Variants in LAMC1 observed in about 807,000 individuals in gnomAD.
LAMC1 encodes laminin subunit gamma-1.
A neutral mutation model predicts 173.6 loss-of-function variants in LAMC1; 38 were observed. The observed-to-expected ratio is 0.22, with a 90% CI of 0.17 to 0.29. The LOEUF is 0.29. Among genes scored for constraint, LAMC1 ranks in the 10% least tolerant of loss-of-function variants. LAMC1 has a pLI of 1.00. For missense variants in LAMC1, 1,824 were observed against 2,051.8 expected, an observed-to-expected ratio of 0.89 and a Z score of 2.14; for synonymous variants, 746 against 749.1, an observed-to-expected ratio of 1.00 and a Z score of 0.07.
At chr1:183,065,187 C>T (rs989495161) in intron 1 of LAMC1, among the ~76,000 whole-genome samples, 13 of 152,048 alleles carry the variant, frequency 8.5e-5, no homozygotes, top group Admixed American at 4.6e-4. Flanking sequence ...GGTAAAAATA[C>T]GGTACTATAA....
chr1:183,094,752 A>G lies in LAMC1; in HGVS notation c.419-8576A>G, dbSNP rs543357503. On this transcript the variant is annotated intron_variant, in intron 1 of 27. Transcript: ENST00000258341. ...ATTTCCTCTTTTAAGGACAGATGTA[A>G]ACAGTACATGATCAGGGGAATTAGG... 5.9e-5 allele frequency among the ~76,000 whole-genome samples: 9 copies of G among 152,324 alleles called. No homozygotes were observed. In the East Asian group the frequency reaches 1.7e-3, roughly 29 times the overall value.
At chr1:183,027,165 A>C (rs1003661043) in intron 1 of LAMC1, among the ~76,000 whole-genome samples, 1 of 152,200 alleles carries the variant, frequency 6.6e-6, no homozygotes, top group Non-Finnish European at 1.5e-5. Flanking sequence ...CGCTCTCTTA[A>C]GCACCATACA....
intron 16 of LAMC1, 100 bp downstream of exon 16, chr1:183,126,362 C>A: frequency 7.9e-7 from 1 of 1,267,370 alleles, no homozygotes; most frequent in Non-Finnish European, 1.1e-6. Context: ...AGCCACTTGA[C>A]TCATAGTCAG....
chr1:183,139,571 G>C lies in LAMC1; in HGVS notation c.4474-833G>C, dbSNP rs1002404388. On this transcript the variant is annotated intron_variant, in intron 26 of 27. Transcript: ENST00000258341. ...AAGGTTTTTTCTGCCTTGCTTTCTTGTTCTTTTTTAAATCTTCACATTGTT... is the reference window on the plus strand; with the variant it reads ...AAGGTTTTTTCTGCCTTGCTTTCTTCTTCTTTTTTAAATCTTCACATTGTT... Among the ~76,000 whole-genome samples the C allele has an allele frequency of 2.6e-5, 4 of 152,182 alleles. No homozygotes were observed. In the East Asian group the frequency reaches 7.7e-4, roughly 29 times the overall value.
chr1:183,093,347 A>G (rs1375048612), intron 1 of LAMC1, among the ~76,000 whole-genome samples: 1 of 152,096 alleles, frequency 6.6e-6, no homozygotes, highest in African/African-American at 2.4e-5. Context: ...GTATATGACA[A>G]AGTTCAGTTG....
intron 10 of LAMC1, 54 bp from the exon 11 acceptor site, chr1:183,117,980 C>A: frequency 1.9e-6 from 2 of 1,053,024 alleles, no homozygotes; most frequent in South Asian, 1.4e-5. Flanking sequence ...AATATTTCCC[C>A]AACATCCAGA....
Position 183,136,377 on chromosome 1 carries a change from T to G in LAMC1, c.4115-9T>G. On this transcript the variant is annotated splice_polypyrimidine_tract_variant and intron_variant, in intron 24 of 27. Coordinates refer to ENST00000258341, the MANE Select transcript of LAMC1 (RefSeq NM_002293.4). ...GTTTAGCTCAAATGTGTCCTTGAAC[T>G]TGTTTCAGATTTTGATAGGCGTGTG... 1 of 1,613,644 alleles carries G rather than the reference T, an allele frequency of 6.2e-7. No individual in the cohort carries two copies. The highest frequency in any genetic ancestry group is 2.2e-5 in the East Asian group (1 of 44,884).
rs112250010 is a variant in LAMC1 at position 183,142,861 on chromosome 1, C to G, written c.*71C>G. The G allele has an allele frequency of 2.8e-4, 417 of 1,481,134 alleles. 3 individuals are homozygous for G. In the African/African-American group the frequency reaches 5.1e-3, roughly 18 times the overall value. The allele number at this position is 1,481,134 out of a possible 1,614,324, so 91.7% of individuals were successfully genotyped here. ...TGTGAGGCCACAGAGTGCCTTGACA[C>G]AAAGATTACATTTTTCAGACCCCCA... On this transcript the variant is annotated 3_prime_UTR_variant, in exon 28 of 28. Transcript: ENST00000258341.
rs1174727303 is a variant in LAMC1 at position 183,143,765 on chromosome 1, A to C, written c.*975A>C. 2 of 152,200 alleles carry C rather than the reference A, an allele frequency of 1.3e-5. No homozygotes were observed. Among genetic ancestry groups the C allele is most frequent in the African/African-American group, 4.8e-5 (2 of 41,456 alleles). 9.4% of individuals were successfully genotyped at this position (152,200 alleles called of 1,614,324 possible). On this transcript the variant is annotated 3_prime_UTR_variant, in exon 28 of 28. Transcript: ENST00000258341. ...GAAGAAAAACAAGCCTCCTCGTCCT[A>C]GTCTTTTCTAGCAAAGGGATAAAAC...
rs543636133 is a variant in LAMC1 at position 183,108,024 on chromosome 1, G to T, written c.724-252G>T. On this transcript the variant is annotated intron_variant, in intron 2 of 27. Coordinates refer to ENST00000258341, the MANE Select transcript of LAMC1 (RefSeq NM_002293.4). Reference sequence around the variant, plus strand: ...TTTATTTAAGCCTCTCAGCAGCCTTGCAAAGAAATTAGTTATTATCCTTGT... The same window carrying T: ...TTTATTTAAGCCTCTCAGCAGCCTTTCAAAGAAATTAGTTATTATCCTTGT... Among the ~76,000 whole-genome samples, 90 of 152,196 alleles carry T rather than the reference G, an allele frequency of 5.9e-4. 1 individual carries two copies. The highest frequency in any genetic ancestry group is 2.4e-3 in the Admixed American group (36 of 15,290).
intron 1 of LAMC1, among the ~76,000 whole-genome samples, chr1:183,045,652 C>A (rs952093947): frequency 1.3e-5 from 2 of 152,020 alleles, no homozygotes; most frequent in Non-Finnish European, 2.9e-5. Context: ...TCACACATGT[C>A]TCCTGATGCC....
At chr1:183,141,645 G>A (rs1012169698) in intron 27 of LAMC1, among the ~76,000 whole-genome samples, 8 of 152,186 alleles carry the variant, frequency 5.3e-5, no homozygotes, top group African/African-American at 1.9e-4. Context: ...TTGGTGGGGG[G>A]CTACAGGGGT....
intron 1 of LAMC1, among the ~76,000 whole-genome samples, chr1:183,059,513 C>T (rs1654687715): frequency 6.6e-6 from 1 of 152,146 alleles, no homozygotes; most frequent in Non-Finnish European, 1.5e-5. Flanking sequence ...AGGAGCAAAA[C>T]TCTGGCCCAA....
intron 1 of LAMC1, among the ~76,000 whole-genome samples, chr1:183,041,746 A>C (rs1258688657): frequency 6.6e-6 from 1 of 152,194 alleles, no homozygotes; most frequent in Non-Finnish European, 1.5e-5. Flanking sequence ...GACCTGACCT[A>C]GGGAGGATTT....
Position 183,024,058 on chromosome 1 carries a change from C to T in LAMC1, c.342C>T (p.Asp114=). Residue 114 remains aspartate, a synonymous_variant, in exon 1 of 28, where the codon GAC becomes GAT. Coordinates refer to ENST00000258341, the MANE Select transcript of LAMC1 (RefSeq NM_002293.4). The stretch of plus-strand genomic sequence containing the variant: ...TGACCGACTACAACAACCAGGCCGA[C>T]ACCACCTGGTGGCAAAGCCAGACCA... ...AFLTDYNNQA[D]TTWWQSQTML... 6.2e-7 allele frequency: 1 copy of T among 1,612,242 alleles called. No individual in the cohort carries two copies. The highest frequency in any genetic ancestry group is 8.5e-7 in the Non-Finnish European group (1 of 1,179,454).
chr1:183,116,475 T>TC lies in LAMC1; in HGVS notation c.1329-101dup, dbSNP rs891293852. 4.0e-5 allele frequency: 28 copies of TC among 700,610 alleles called. No individual in the cohort carries two copies. In the African/African-American group the frequency reaches 5.4e-4, roughly 14 times the overall value. 43.4% of individuals were successfully genotyped at this position (700,610 alleles called of 1,614,324 possible). A position where few individuals can be genotyped will look rare whatever the true frequency, so the allele number is the denominator to read the frequency against. On this transcript the variant is annotated intron_variant, in intron 6 of 27. Coordinates refer to ENST00000258341, the MANE Select transcript of LAMC1 (RefSeq NM_002293.4). ...CTGGGCGACAGTGTGAGACTCTGTC[T>TC]CAAAAAAAAAAAAATCTGTTAACAT...
chr1:183,065,107 A>G (rs1654844698), intron 1 of LAMC1, among the ~76,000 whole-genome samples: 2 of 152,218 alleles, frequency 1.3e-5, no homozygotes, highest in Admixed American at 1.3e-4. Context: ...ACAATGTTGA[A>G]CAAAATGACA....
chr1:183,133,588 T>A, intron 22 of LAMC1, 38 bp downstream of exon 22: 3 of 1,566,432 alleles, frequency 1.9e-6, no homozygotes, highest in Non-Finnish European at 1.7e-6. Flanking sequence ...CCACCCCGTC[T>A]CTCCCCCAAG....
At chr1:183,100,718 ATTGCAG>A (rs1429577578) in intron 1 of LAMC1, among the ~76,000 whole-genome samples, 2 of 152,118 alleles carry the variant, frequency 1.3e-5, no homozygotes, top group Non-Finnish European at 2.9e-5. Context: ...TGAGTTGTAA[ATTGCAG>A]TTGTCTGTAT....
Sources: allele counts gnomAD v4.1 joint callset (sites outside exome capture counted in the v4.1 genomes callset), GRCh38; gene constraint gnomAD v4.1.1; transcripts MANE v1.5; gene names NCBI Gene and HGNC (gene_info 2026-07-23, HGNC 2026-07-21).